Variants in DTX2 observed in about 807,000 individuals in gnomAD.
The protein encoded by DTX2 is deltex E3 ubiquitin ligase 2, also known as probable E3 ubiquitin-protein ligase DTX2.
Under a neutral mutation model 55.3 loss-of-function variants are expected in DTX2, and 29 were observed. That is an observed-to-expected ratio of 0.52 (90% CI 0.39 to 0.71). DTX2 has a LOEUF of 0.71. DTX2 is among the 30% of genes least tolerant of loss of function. DTX2 has a pLI of 0.00. For missense variants in DTX2, 537 were observed against 822.5 expected, an observed-to-expected ratio of 0.65 and a Z score of 4.25; for synonymous variants, 276 against 340.4, an observed-to-expected ratio of 0.81 and a Z score of 2.08.
Position 76,482,561 on chromosome 7 carries a change from C to T in DTX2, c.322C>T (p.Arg108Ter), listed in dbSNP as rs751557710. The stretch of plus-strand genomic sequence containing the variant: ...GTTCCCCCAGCACTCAGCCCCTGGC[C>T]GAGGTGTCGTCTGGGAGTGGCTGAG... ...HLFPQHSAPG[R>*]GVVWEWLSDD... The change falls in exon 4 of 11, where the codon CGA (arginine) becomes TGA (stop). Residue 108 changes from arginine to a stop codon, truncating the protein, a stop_gained. Coordinates refer to ENST00000430490, the MANE Select transcript of DTX2 (RefSeq NM_001102594.3). LOFTEE classifies it high-confidence loss of function. 2 of 1,612,690 alleles carry T rather than the reference C, an allele frequency of 1.2e-6. No individual in the cohort carries two copies. The highest frequency in any genetic ancestry group is 1.1e-5 in the South Asian group (1 of 91,046).
At chr7:76,473,067 G>A (rs1808134617) in intron 2 of DTX2, among the ~76,000 whole-genome samples, 1 of 152,070 alleles carries the variant, frequency 6.6e-6, no homozygotes. Context: ...CTGGCCTCAA[G>A]CAATCCTCTT....
chr7:76,482,338 C>T (rs1018097056), intron 3 of DTX2, among the ~76,000 whole-genome samples, 170 bp from the exon 4 acceptor site: 16 of 151,608 alleles, frequency 1.1e-4, no homozygotes, highest in Non-Finnish European at 1.6e-4. Context: ...GCAGCCTGGG[C>T]GACAAAGGGG....
Position 76,505,349 on chromosome 7 carries a change from C to G in DTX2, c.1642-25C>G. 1 of 1,546,854 alleles carries G rather than the reference C, an allele frequency of 6.5e-7. No individual in the cohort carries two copies. Among genetic ancestry groups the G allele is most frequent in the Non-Finnish European group, 8.8e-7 (1 of 1,142,206 alleles). On this transcript the variant is annotated intron_variant, in intron 10 of 10. Coordinates refer to ENST00000430490, the MANE Select transcript of DTX2 (RefSeq NM_001102594.3). This position sits in a 1 kb window ranked among gnomAD's most constrained non-coding sequence, Gnocchi z 4.4. Reference sequence around the variant, plus strand: ...TCTCACTCTCCGTCCCCTCCTTCCTCTTCCCCCTCCTCCTCCCCGGGCAGG... The same window carrying G: ...TCTCACTCTCCGTCCCCTCCTTCCTGTTCCCCCTCCTCCTCCCCGGGCAGG...
Position 76,505,371 on chromosome 7 carries a change from C to T in DTX2, c.1642-3C>T. On this transcript the variant is annotated splice_polypyrimidine_tract_variant and splice_region_variant and intron_variant, in intron 10 of 10. Coordinates refer to ENST00000430490, the MANE Select transcript of DTX2 (RefSeq NM_001102594.3). This position sits in a 1 kb window ranked among gnomAD's most constrained non-coding sequence, Gnocchi z 4.4. ...CCTCTTCCCCCTCCTCCTCCCCGGG[C>T]AGGTCCTAGAGCTCCTGAAGGTGGC... The T allele has an allele frequency of 6.4e-7, 1 of 1,569,278 alleles. No individual in the cohort carries two copies. The highest frequency in any genetic ancestry group is 8.6e-7 in the Non-Finnish European group (1 of 1,157,398).
chr7:76,490,378 GTTTT>G (rs1263667161), intron 4 of DTX2, among the ~76,000 whole-genome samples: 1 of 84,710 alleles, frequency 1.2e-5, no homozygotes, highest in Non-Finnish European at 2.4e-5. Flanking sequence ...TTAACTAAAG[GTTTT>G]TTTTTTCTTT....
At chr7:76,493,663 G>A (rs1487408967) in intron 5 of DTX2, among the ~76,000 whole-genome samples, 1 of 107,076 alleles carries the variant, frequency 9.3e-6, no homozygotes, top group East Asian at 2.3e-4. Flanking sequence ...TGGCTGAGAG[G>A]GGACAGGCCT....
intron 4 of DTX2, 64 bp downstream of exon 4, chr7:76,483,211 C>T (rs1809519758): frequency 1.9e-6 from 3 of 1,548,138 alleles, no homozygotes; most frequent in Middle Eastern, 2.4e-4. Context: ...CGGGAAGACT[C>T]ACCCCAATTC....
At chr7:76,480,798 C>G (rs754969071) in intron 3 of DTX2, 21 bp downstream of exon 3, 16 of 1,567,960 alleles carry the variant, frequency 1.0e-5, no homozygotes, top group African/African-American at 2.7e-5. Context: ...GTCTGCCTCT[C>G]GCACATATCT....
intron 5 of DTX2, among the ~76,000 whole-genome samples, chr7:76,495,056 C>T (rs1345055043): frequency 2.0e-5 from 3 of 148,410 alleles, no homozygotes; most frequent in African/African-American, 7.5e-5. Context: ...GGTGACAGCT[C>T]CCCTGGCTGT....
intron 4 of DTX2, among the ~76,000 whole-genome samples, chr7:76,486,794 T>C: frequency 6.9e-6 from 1 of 145,192 alleles, no homozygotes; most frequent in African/African-American, 2.5e-5. Context: ...GCTGAATGGC[T>C]CAGTGGCCCT....
chr7:76,504,773 A>G (rs62476496), intron 10 of DTX2, among the ~76,000 whole-genome samples: 1 of 133,690 alleles, frequency 7.5e-6, no homozygotes, highest in East Asian at 2.1e-4. Flanking sequence ...GTCTGCACTG[A>G]GACATGAATA....
Position 76,502,086 on chromosome 7 carries a change from C to T in DTX2, c.1231-212C>T, listed in dbSNP as rs538484738. 3.4e-4 allele frequency: 185 copies of T among 542,332 alleles called. 1 individual carries two copies. The highest frequency in any genetic ancestry group is 2.3e-3 in the African/African-American group (121 of 53,198). The allele number at this position is 542,332 out of a possible 1,614,324, so 33.6% of individuals were successfully genotyped here. On this transcript the variant is annotated intron_variant, in intron 7 of 10. Transcript: ENST00000430490. Reference sequence around the variant, plus strand: ...ATTCTTAGTAGAGATGGGGTTTTCCCGTGTTGGCCAGGCTGGCCTCAAATT... The same window carrying T: ...ATTCTTAGTAGAGATGGGGTTTTCCTGTGTTGGCCAGGCTGGCCTCAAATT...
intron 2 of DTX2, among the ~76,000 whole-genome samples, chr7:76,478,414 AT>A (rs559041165): frequency 0.015 from 1,801 of 120,354 alleles, 23 homozygotes; most frequent in African/African-American, 0.038. Flanking sequence ...ATCAGCTCTG[AT>A]TTTTTTTTTT....
rs370219816 is a variant in DTX2 at position 76,482,701 on chromosome 7, C to T, written c.462C>T (p.Val154=). The change falls in exon 4 of 11, where the codon GTC becomes GTT. Residue 154 remains valine, a synonymous_variant. Coordinates refer to ENST00000430490, the MANE Select transcript of DTX2 (RefSeq NM_001102594.3). The part of the protein sequence containing the change: ...DLAPLGYNYT[V]NYTTHTQTNK... Reference sequence around the variant, plus strand: ...CCCCCCTGGGGTACAACTACACTGTCAACTACACCACCCACACGCAGACCA... The same window carrying T: ...CCCCCCTGGGGTACAACTACACTGTTAACTACACCACCCACACGCAGACCA... 2.5e-6 allele frequency: 4 copies of T among 1,613,678 alleles called. No homozygotes were observed. In the African/African-American group the frequency reaches 4.0e-5, roughly 16 times the overall value.
At chr7:76,483,498 C>T (rs1809559939) in intron 4 of DTX2, among the ~76,000 whole-genome samples, 1 of 152,208 alleles carries the variant, frequency 6.6e-6, no homozygotes, top group Non-Finnish European at 1.5e-5. Context: ...TACACTGACT[C>T]CCGCCTTGTG....
intron 7 of DTX2, chr7:76,501,897 T>A (rs567671905): frequency 5.4e-6 from 1 of 185,646 alleles, no homozygotes; most frequent in Admixed American, 5.7e-5. Flanking sequence ...ACTTTTTTTT[T>A]TTTTTTTCTG....
intron 4 of DTX2, among the ~76,000 whole-genome samples, chr7:76,486,846 G>GGCTGCTGCTGCTGCT (rs370235862): frequency 7.5e-5 from 6 of 79,832 alleles, no homozygotes; most frequent in South Asian, 3.5e-4. Flanking sequence ...TGTTGTGGTG[G>GGCTGCTGCTGCTGCT]GCTGCTGCTG....
chr7:76,495,638 G>A (rs966785980), intron 5 of DTX2, among the ~76,000 whole-genome samples: 1 of 148,386 alleles, frequency 6.7e-6, no homozygotes, highest in Admixed American at 6.7e-5. Context: ...AGCAAACACA[G>A]AGGGCTGCAG....
At chr7:76,463,079 A>G (rs1359294321) in intron 1 of DTX2, among the ~76,000 whole-genome samples, 2 of 118,516 alleles carry the variant, frequency 1.7e-5, no homozygotes, top group African/African-American at 3.8e-5. Flanking sequence ...AAAACAAAAA[A>G]CAAACAAACT....
Sources: gnomAD v4.1 joint callset for allele counts (sites outside exome capture counted in the v4.1 genomes callset) on GRCh38, gnomAD v4.1.1 for gene constraint, Gnocchi (gnomAD v3.1) non-coding constraint, MANE v1.5 for transcripts, NCBI Gene and HGNC (gene_info 2026-07-23, HGNC 2026-07-21) for gene names.